The following DNM2 variants were observed in gnomAD, a reference collection of about 807,000 sequenced individuals.
The protein encoded by DNM2 is dynamin-2.
In DNM2, 15 loss-of-function variants were observed where a neutral mutation model predicts 99.0. The ratio of observed to expected loss-of-function variants is 0.15; its 90% CI spans 0.10 to 0.23. The LOEUF is 0.23. Ranked by LOEUF, DNM2 falls within the 10% of genes least tolerant of loss-of-function variation. The pLI is 1.00. For missense variants in DNM2, 742 were observed against 1,189.4 expected, an observed-to-expected ratio of 0.62 and a Z score of 5.53; for synonymous variants, 525 against 481.2, an observed-to-expected ratio of 1.09 and a Z score of -1.19.
At chr19:10,805,643 T>A (rs982523881) in intron 12 of DNM2, among the ~76,000 whole-genome samples, 35 of 151,996 alleles carry the variant, frequency 2.3e-4, no homozygotes, top group Admixed American at 2.3e-3. Flanking sequence ...CCTTAGAAAC[T>A]CCGGGATTCT....
chr19:10,785,939 C>T (rs1225764444), intron 6 of DNM2, among the ~76,000 whole-genome samples: 3 of 151,818 alleles, frequency 2.0e-5, no homozygotes, highest in African/African-American at 4.8e-5. Context: ...GCTGAGACTA[C>T]AGGCACCCAC....
At chr19:10,731,816 A>C (rs1197277906) in intron 1 of DNM2, among the ~76,000 whole-genome samples, 1 of 152,248 alleles carries the variant, frequency 6.6e-6, no homozygotes, top group Non-Finnish European at 1.5e-5. Flanking sequence ...AGTCAGACGG[A>C]AGCCCGGCTT....
At chr19:10,808,702 C>A in intron 14 of DNM2, 122 bp downstream of exon 14, 1 of 1,311,096 alleles carries the variant, frequency 7.6e-7, no homozygotes, top group Non-Finnish European at 1.1e-6. Context: ...AAAAATCGAG[C>A]TAACCTGGAA....
At chr19:10,771,998 A>G (rs747600817) in intron 2 of DNM2, among the ~76,000 whole-genome samples, 2 of 152,090 alleles carry the variant, frequency 1.3e-5, no homozygotes, top group African/African-American at 2.4e-5. Flanking sequence ...TTGTCATGAG[A>G]ACGAATCTTT....
intron 13 of DNM2, 74 bp downstream of exon 13, chr19:10,806,041 G>C: frequency 1.9e-6 from 3 of 1,594,316 alleles, no homozygotes; most frequent in Non-Finnish European, 2.6e-6. Flanking sequence ...AAGCCCCCGT[G>C]ATGGAGCTCG....
At chr19:10,782,507 C>T (rs937318405) in intron 5 of DNM2, among the ~76,000 whole-genome samples, 21 of 151,998 alleles carry the variant, frequency 1.4e-4, no homozygotes, top group Admixed American at 1.2e-3. Context: ...TATAGTCACG[C>T]GCCACCATGC....
In DNM2 at chr19:10,829,338, C is replaced by T. The variant is rs531245487; in HGVS notation, c.2291+70C>T. 35 of 1,565,312 alleles carry T rather than the reference C, an allele frequency of 2.2e-5. No homozygotes were observed. The Admixed American group carries it at 4.8e-4, about 22-fold the overall frequency. On this transcript the variant is annotated intron_variant, in intron 19 of 20. Coordinates refer to ENST00000389253, the MANE Select transcript of DNM2 (RefSeq NM_001005361.3). ...GTTCCTGCCCTCCCTGTGTGTCCTG[C>T]AGGGTCCTGGCAGGAAACAGGACAC... is the stretch of plus-strand genomic sequence containing the variant.
chr19:10,804,121 G>A (rs1002892549), intron 12 of DNM2, among the ~76,000 whole-genome samples: 2 of 152,074 alleles, frequency 1.3e-5, no homozygotes, highest in African/African-American at 4.8e-5. Flanking sequence ...GTCCAGGGGA[G>A]GATTTTGGAT....
intron 15 of DNM2, among the ~76,000 whole-genome samples, chr19:10,814,395 C>CA (rs1223767317): frequency 6.6e-6 from 1 of 151,368 alleles, no homozygotes; most frequent in Non-Finnish European, 1.5e-5. Flanking sequence ...ACCTGGGAAG[C>CA]AGAGGTTGCG....
intron 1 of DNM2, among the ~76,000 whole-genome samples, chr19:10,722,868 C>T (rs1380287441): frequency 6.6e-6 from 1 of 152,112 alleles, no homozygotes; most frequent in Non-Finnish European, 1.5e-5. Context: ...CTCAAATGAT[C>T]CTCCTGCATC....
chr19:10,799,979 C>A (rs1275201507), intron 11 of DNM2, among the ~76,000 whole-genome samples: 1 of 152,138 alleles, frequency 6.6e-6, no homozygotes, highest in Non-Finnish European at 1.5e-5. Context: ...GCCTCAGCCT[C>A]CCAAGTAGCT....
At chr19:10,823,534 C>G (rs2073050789) in intron 16 of DNM2, 1 of 507,028 alleles carries the variant, frequency 2.0e-6, no homozygotes, top group Non-Finnish European at 3.6e-6. Context: ...ATGCCCACCT[C>G]TGGGGGCCCA....
Position 10,831,429 on chromosome 19 carries a change from G to T in DNM2, c.*382G>T. On this transcript the variant is annotated 3_prime_UTR_variant, in exon 21 of 21. Coordinates refer to ENST00000389253, the MANE Select transcript of DNM2 (RefSeq NM_001005361.3). This position sits in a 1 kb window ranked among gnomAD's most constrained non-coding sequence, Gnocchi z 4.3. ...GGCCTTCTATAAGTGCGGGCACCAA[G>T]GGCGCCTACATCCCCAGGCCTTGCT... The T allele has an allele frequency of 4.9e-6, 5 of 1,019,866 alleles. No homozygotes were observed. The highest frequency in any genetic ancestry group is 5.9e-6 in the Non-Finnish European group (5 of 852,664). The allele number at this position is 1,019,866 out of a possible 1,614,324, so 63.2% of individuals were successfully genotyped here.
rs2070324169 is a variant in DNM2 at position 10,754,714 on chromosome 19, C to T, written c.162-5024C>T. Among the ~76,000 whole-genome samples, 6 of 152,160 alleles carry T rather than the reference C, an allele frequency of 3.9e-5. No individual in the cohort carries two copies. In the South Asian group the frequency reaches 1.2e-3, roughly 32 times the overall value. On this transcript the variant is annotated intron_variant, in intron 1 of 20. Transcript: ENST00000389253. ...AAGTAATCCTCCTGCCACAGCCTCC[C>T]GAGTAGCTGACACTACAGGGGAATG...
chr19:10,805,774 C>G (rs149062027), intron 12 of DNM2, 142 bp from the exon 13 acceptor site: 24 of 975,876 alleles, frequency 2.5e-5, no homozygotes, highest in Non-Finnish European at 3.2e-5. Flanking sequence ...TTGCGCAGCT[C>G]TGTGTGTGCA....
At chr19:10,803,017 A>T (rs2072209164) in intron 12 of DNM2, among the ~76,000 whole-genome samples, 1 of 152,118 alleles carries the variant, frequency 6.6e-6, no homozygotes, top group African/African-American at 2.4e-5. Flanking sequence ...TGCCGCTGGT[A>T]TGCCCTCTCG....
chr19:10,782,887 T>G, intron 5 of DNM2, 73 bp from the exon 6 acceptor site: 5 of 1,605,666 alleles, frequency 3.1e-6, no homozygotes, highest in Non-Finnish European at 4.3e-6. Flanking sequence ...TATACTTGAA[T>G]CTTGCCCATC....
rs970475202 is a variant in DNM2, at chr19:10,831,076, G to C, written c.*29G>C. 1 of 1,579,128 alleles carries C rather than the reference G, an allele frequency of 6.3e-7. No homozygotes were observed. Among genetic ancestry groups the C allele is most frequent in the South Asian group, 1.1e-5 (1 of 87,042 alleles). On this transcript the variant is annotated 3_prime_UTR_variant, in exon 21 of 21. Transcript: ENST00000389253. This position sits in a 1 kb window ranked among gnomAD's most constrained non-coding sequence, Gnocchi z 4.3. Reference sequence around the variant, plus strand: ...TCGAGGGGGGCGTGCTCTCGGGGGGGCCTCACGCACCCGCGGCGCAGGAGC... The same window carrying C: ...TCGAGGGGGGCGTGCTCTCGGGGGGCCCTCACGCACCCGCGGCGCAGGAGC...
chr19:10,812,163 C>A lies in DNM2; in HGVS notation c.1558-101C>A, dbSNP rs532384245. 6 of 972,036 alleles carry A rather than the reference C, an allele frequency of 6.2e-6. No individual in the cohort carries two copies. Among genetic ancestry groups the A allele is most frequent in the Non-Finnish European group, 9.3e-6 (6 of 643,510 alleles). The allele number at this position is 972,036 out of a possible 1,614,324, so 60.2% of individuals were successfully genotyped here. On this transcript the variant is annotated intron_variant, in intron 14 of 20. Transcript: ENST00000389253. The surrounding 1 kb of genome is among the most constrained non-coding windows in gnomAD (Gnocchi z 4.0). ...TTTGGGGCTGGAGGTGTCTCTATTG[C>A]GGTCCCTGGCTTCCCACTGAGCTGT...
Sources: allele counts gnomAD v4.1 joint callset (sites outside exome capture counted in the v4.1 genomes callset), GRCh38; gene constraint gnomAD v4.1.1; non-coding constraint Gnocchi (gnomAD v3.1); transcripts MANE v1.5; gene names NCBI Gene and HGNC (gene_info 2026-07-23, HGNC 2026-07-21).